Variants in CCDC57 observed in about 807,000 individuals in gnomAD.
CCDC57 encodes the protein coiled-coil domain-containing protein 57.
In CCDC57, 118 loss-of-function variants were observed where a neutral mutation model predicts 118.9. The observed-to-expected ratio is 0.99, with a 90% confidence interval of 0.86 to 1.16. The LOEUF (loss-of-function observed/expected upper bound fraction) is 1.16. Ranked by LOEUF, CCDC57 falls within the 50% of genes most tolerant of loss-of-function variation. The probability of loss-of-function intolerance (pLI) is 0.00; values close to 1 mark genes in which losing one functional copy is unlikely to be tolerated. For synonymous variants in CCDC57, 527 were observed against 532.9 expected (o/e 0.99, Z 0.15); for missense variants, 1,300 against 1,320.7 (o/e 0.98, Z 0.24).
rs1293349570 is a variant in CCDC57, at chr17:82,118,126, G to C, written c.2899+9566C>G. On this transcript the variant is annotated intron_variant, in intron 19 of 19. Coordinates refer to ENST00000665763, the Ensembl canonical transcript of CCDC57. This position sits in a 1 kb window ranked among gnomAD's most constrained non-coding sequence, Gnocchi z 4.7. ...ACTGCAGACATAAATAAAAAAGCAA[G>C]CTGCCCCCACGATATGCAATTGACA... Among the ~76,000 whole-genome samples the C allele has an allele frequency of 6.6e-6, 1 of 152,182 alleles. No individual in the cohort carries two copies. Among genetic ancestry groups the C allele is most frequent in the African/African-American group, 2.4e-5 (1 of 41,444 alleles).
intron 16 of CCDC57, among the ~76,000 whole-genome samples, chr17:82,143,036 T>C (rs949888962): frequency 2.0e-5 from 3 of 152,010 alleles, no homozygotes; most frequent in Non-Finnish European, 2.9e-5. Flanking sequence ...TGGTGGCACA[T>C]GCCTGTAGTC....
At chr17:82,130,788 G>A (rs957719289) in intron 17 of CCDC57, among the ~76,000 whole-genome samples, 6 of 145,710 alleles carry the variant, frequency 4.1e-5, no homozygotes, top group Middle Eastern at 6.9e-3. Flanking sequence ...ACTGGTGTGA[G>A]CCACCACGCC....
intron 16 of CCDC57, among the ~76,000 whole-genome samples, chr17:82,142,904 C>T (rs2040207958): frequency 6.6e-6 from 1 of 152,114 alleles, no homozygotes; most frequent in African/African-American, 2.4e-5. Flanking sequence ...GTGGCTCACG[C>T]CTGTAATCCC....
At chr17:82,138,864 G>T (rs930148799) in intron 16 of CCDC57, among the ~76,000 whole-genome samples, 1 of 152,218 alleles carries the variant, frequency 6.6e-6, no homozygotes, top group African/African-American at 2.4e-5. Flanking sequence ...CAGCAGTCCA[G>T]AGCTAGCAGG....
intron 2 of CCDC57, among the ~76,000 whole-genome samples, chr17:82,205,098 AC>A (rs2049457456): frequency 1.5e-5 from 1 of 68,550 alleles, no homozygotes; most frequent in Admixed American, 2.1e-4. Flanking sequence ...GGACATGCAC[AC>A]ACCTGTGCAC....
chr17:82,211,712 T>G (rs2050190584), intron 1 of CCDC57, among the ~76,000 whole-genome samples: 1 of 152,184 alleles, frequency 6.6e-6, no homozygotes, highest in Non-Finnish European at 1.5e-5. Flanking sequence ...GACACCATTT[T>G]GGTTTCTTCG....
chr17:82,181,228 G>A (rs1164721106), intron 9 of CCDC57, among the ~76,000 whole-genome samples: 1 of 152,224 alleles, frequency 6.6e-6, no homozygotes, highest in Non-Finnish European at 1.5e-5. Flanking sequence ...ACACCGGCTG[G>A]GCCAAGAGCA....
At chr17:82,135,640 G>A (rs1330253373) in intron 16 of CCDC57, among the ~76,000 whole-genome samples, 1 of 152,158 alleles carries the variant, frequency 6.6e-6, no homozygotes, top group African/African-American at 2.4e-5. Flanking sequence ...AAGCCATGAA[G>A]TCAGAAGATG....
intron 2 of CCDC57, among the ~76,000 whole-genome samples, chr17:82,206,868 C>T (rs929636704): frequency 1.2e-4 from 18 of 152,188 alleles, no homozygotes; most frequent in Non-Finnish European, 2.4e-4. Context: ...CCAATTCCAT[C>T]GTGCTTCTAA....
chr17:82,198,116 G>A (rs2146833349), intron 4 of CCDC57, among the ~76,000 whole-genome samples, 198 bp downstream of exon 3: 1 of 152,310 alleles, frequency 6.6e-6, no homozygotes, highest in East Asian at 1.9e-4. Flanking sequence ...CTGTGGAGGT[G>A]GCTGCATGTA....
chr17:82,201,651 C>T (rs1384445426), exon 3 of CCDC57: 1 of 1,613,982 alleles, frequency 6.2e-7, no homozygotes, highest in Non-Finnish European at 8.5e-7. Context: ...GCTTAGCTGC[C>T]TCTATCTTGA....
At chr17:82,178,114 C>G (rs753391083) in intron 11 of CCDC57, among the ~76,000 whole-genome samples, 3 of 152,188 alleles carry the variant, frequency 2.0e-5, no homozygotes, top group African/African-American at 7.2e-5. Context: ...ACTTAACTAT[C>G]GGCCACTAAC....
At chr17:82,151,486 C>G in intron 16 of CCDC57, 74 bp downstream of exon 15, 3 of 1,395,656 alleles carry the variant, frequency 2.1e-6, no homozygotes, top group Non-Finnish European at 2.9e-6. Flanking sequence ...CAGAACCTGG[C>G]GCACACCCAG....
intron 19 of CCDC57, among the ~76,000 whole-genome samples, chr17:82,120,728 C>T (rs1157792380): frequency 6.6e-6 from 1 of 152,120 alleles, no homozygotes; most frequent in Admixed American, 6.6e-5. Context: ...TCAAAAGCCC[C>T]ATGGACTTAT....
exon 20 of CCDC57, chr17:82,101,735 C>T (rs368606507): frequency 1.2e-6 from 2 of 1,608,538 alleles, no homozygotes; most frequent in African/African-American, 2.7e-5. Context: ...CAGCCTTTAG[C>T]TTTTGCAGGA....
intron 2 of CCDC57, among the ~76,000 whole-genome samples, chr17:82,205,788 G>T (rs542877289): frequency 6.6e-6 from 1 of 152,188 alleles, no homozygotes; most frequent in Non-Finnish European, 1.5e-5. Flanking sequence ...TGCAGCACCC[G>T]GTGAGAGCCC....
exon 15 of CCDC57, chr17:82,157,766 G>A (rs1165439965): frequency 3.7e-6 from 6 of 1,600,472 alleles, no homozygotes; most frequent in East Asian, 2.3e-5. Flanking sequence ...CAAGGGCCAC[G>A]GCGTCCGAGG....
At chr17:82,196,001 C>A (rs1469375796) in intron 4 of CCDC57, among the ~76,000 whole-genome samples, 1 of 152,230 alleles carries the variant, frequency 6.6e-6, no homozygotes, top group Non-Finnish European at 1.5e-5. Flanking sequence ...TGAGATGGCT[C>A]TCCCTGAACG....
intron 17 of CCDC57, among the ~76,000 whole-genome samples, chr17:82,132,920 C>T (rs998589245): frequency 3.3e-5 from 5 of 151,746 alleles, no homozygotes; most frequent in Non-Finnish European, 7.4e-5. Context: ...CCACCATGCC[C>T]GGCTAATTTT....
Sources: gnomAD v4.1 joint callset for allele counts (sites outside exome capture counted in the v4.1 genomes callset) on GRCh38, gnomAD v4.1.1 for gene constraint, Gnocchi (gnomAD v3.1) non-coding constraint, MANE v1.5 for transcripts, NCBI Gene and HGNC (gene_info 2026-07-23, HGNC 2026-07-21) for gene names.